Variants in PPP1R2 observed in about 807,000 individuals in gnomAD.
The protein encoded by PPP1R2 is protein phosphatase 1 regulatory inhibitor subunit 2, also known as protein phosphatase inhibitor 2.
In PPP1R2, 16 loss-of-function variants were observed where a neutral mutation model predicts 29.9. That is an observed-to-expected ratio of 0.53 (90% CI 0.36 to 0.81). The LOEUF is 0.81. Among genes scored for constraint, PPP1R2 ranks in the 30% least tolerant of loss-of-function variants. The probability of loss-of-function intolerance (pLI) is 0.00; values close to 1 mark genes in which losing one functional copy is unlikely to be tolerated. For synonymous variants in PPP1R2, 76 were observed against 91.5 expected (o/e 0.83, Z 0.96); for missense variants, 197 against 252.7 (o/e 0.78, Z 1.49).
Position 195,519,438 on chromosome 3 carries a change from T to C in PPP1R2, c.404-253A>G, listed in dbSNP as rs1718672960. The C allele has an allele frequency of 1.7e-5, 6 of 362,908 alleles. No homozygotes were observed. In the East Asian group the frequency reaches 3.0e-4, roughly 18 times the overall value. The allele number at this position is 362,908 out of a possible 1,614,324, so 22.5% of individuals were successfully genotyped here. On this transcript the variant is annotated intron_variant, in intron 4 of 5. Coordinates refer to ENST00000618156, the MANE Select transcript of PPP1R2 (RefSeq NM_006241.8). ...TATATCCAGCCATTAGAAATTATAT[T>C]TGTGAAGAAAGATTAAAGCTATGGG... is the stretch of plus-strand genomic sequence containing the variant.
intron 5 of PPP1R2, among the ~76,000 whole-genome samples, chr3:195,518,174 A>T (rs1403960044): frequency 2.0e-5 from 3 of 151,982 alleles, no homozygotes; most frequent in African/African-American, 7.3e-5. Flanking sequence ...AATAAATAAA[A>T]CCTATTTCCT....
intron 2 of PPP1R2, among the ~76,000 whole-genome samples, chr3:195,526,666 G>C (rs1369587314): frequency 6.6e-6 from 1 of 152,096 alleles, no homozygotes; most frequent in African/African-American, 2.4e-5. Flanking sequence ...CCAGGCTGGA[G>C]TGCAATGACG....
chr3:195,524,728 G>A lies in PPP1R2; in HGVS notation c.308+91C>T, dbSNP rs541179332. On this transcript the variant is annotated intron_variant, in intron 3 of 5. Transcript: ENST00000618156. Reference sequence around the variant, plus strand: ...TGTTGATCAACAGCCTTTTCTTCCCGCTCATACAGGGACAGCCACGCAGGC... The same window carrying A: ...TGTTGATCAACAGCCTTTTCTTCCCACTCATACAGGGACAGCCACGCAGGC... 365 of 1,195,888 alleles carry A rather than the reference G, an allele frequency of 3.1e-4. 6 individuals carry two copies. The South Asian group carries it at 4.5e-3, about 15-fold the overall frequency. 74.1% of individuals were successfully genotyped at this position (1,195,888 alleles called of 1,614,324 possible).
chr3:195,522,167 A>AAGAAT (rs1718785950), intron 4 of PPP1R2, among the ~76,000 whole-genome samples: 1 of 152,350 alleles, frequency 6.6e-6, no homozygotes, highest in South Asian at 2.1e-4. Context: ...AGTCACCAAA[A>AAGAAT]TATTTTTACA....
rs986234089 is a variant in PPP1R2, at chr3:195,518,886, G to C, written c.571+132C>G. On this transcript the variant is annotated intron_variant, in intron 5 of 5. Transcript: ENST00000618156. ...ATTGGCCATGCGGGTTAAAACTTTA[G>C]AAACATTTGGTATAATAAAGCGAAT... 24 of 1,381,422 alleles carry C rather than the reference G, an allele frequency of 1.7e-5. No homozygotes were observed. The African/African-American group carries it at 3.1e-4, about 18-fold the overall frequency. The allele number at this position is 1,381,422 out of a possible 1,614,324, so 85.6% of individuals were successfully genotyped here. A position where few individuals can be genotyped will look rare whatever the true frequency, so the allele number is the denominator to read the frequency against.
chr3:195,539,929 T>A (rs1396459771), intron 1 of PPP1R2, among the ~76,000 whole-genome samples: 1 of 152,226 alleles, frequency 6.6e-6, no homozygotes, highest in Non-Finnish European at 1.5e-5. Context: ...TACAGACATA[T>A]ATCTGAAGTA....
At chr3:195,528,739 A>G (rs1355745436) in intron 2 of PPP1R2, 2 of 92,230 alleles carry the variant, frequency 2.2e-5, no homozygotes, top group African/African-American at 7.3e-5. Flanking sequence ...TTTTGTAGAA[A>G]GAGTCTTACT....
intron 1 of PPP1R2, 69 bp downstream of exon 1, chr3:195,542,835 C>T: frequency 6.7e-7 from 1 of 1,490,976 alleles, no homozygotes; most frequent in Non-Finnish European, 9.0e-7. Flanking sequence ...CCGCCCGCCC[C>T]TGGGGTCTGG....
At chr3:195,534,321 G>C (rs539027246) in intron 1 of PPP1R2, among the ~76,000 whole-genome samples, 1 of 152,076 alleles carries the variant, frequency 6.6e-6, no homozygotes, top group East Asian at 1.9e-4. Context: ...AAGTGAGACT[G>C]TCCAGAAAAA....
chr3:195,521,314 CAAAAAAAAAAA>C (rs869228346), intron 4 of PPP1R2, among the ~76,000 whole-genome samples: 9 of 56,662 alleles, frequency 1.6e-4, no homozygotes, highest in African/African-American at 4.8e-4. Flanking sequence ...GACTCTGTCT[CAAAAAAAAAAA>C]AAAAAAAAAA....
intron 5 of PPP1R2, among the ~76,000 whole-genome samples, chr3:195,517,705 A>C (rs1343388141): frequency 6.6e-6 from 1 of 152,166 alleles, no homozygotes; most frequent in Non-Finnish European, 1.5e-5. Context: ...ACAAACAAAA[A>C]ACGCTGCCTC....
chr3:195,520,142 T>C (rs1203562357), intron 4 of PPP1R2, among the ~76,000 whole-genome samples: 2 of 152,176 alleles, frequency 1.3e-5, no homozygotes, highest in African/African-American at 4.8e-5. Flanking sequence ...CCCGAGTAGT[T>C]GGGATCACAG....
chr3:195,519,217 T>C (rs1283771840), intron 4 of PPP1R2, 32 bp from the exon 5 acceptor site: 5 of 1,523,546 alleles, frequency 3.3e-6, no homozygotes, highest in African/African-American at 1.4e-5. Flanking sequence ...CTTAGGAAGT[T>C]TGAGCTCAAG....
At chr3:195,518,709 C>T (rs1718644592) in intron 5 of PPP1R2, among the ~76,000 whole-genome samples, 1 of 151,094 alleles carries the variant, frequency 6.6e-6, no homozygotes, top group Non-Finnish European at 1.5e-5. Flanking sequence ...ATGACAAATA[C>T]AACATGACCT....
At chr3:195,537,481 T>TTTTGTGTGTGTGTGTG (rs150119072) in intron 1 of PPP1R2, among the ~76,000 whole-genome samples, 5,074 of 128,508 alleles carry the variant, frequency 0.039, 186 homozygotes, top group Middle Eastern at 0.068. Context: ...GGATTAGCTA[T>TTTTGTGTGTGTGTGTG]TGTGTGTGTG....
At chr3:195,529,573 T>A (rs1719105906) in intron 2 of PPP1R2, 1 of 375,536 alleles carries the variant, frequency 2.7e-6, no homozygotes, top group South Asian at 6.4e-5. Context: ...CAAATAAACA[T>A]TTACTACTAC....
Position 195,523,779 on chromosome 3 carries a change from C to T in PPP1R2, c.316G>A (p.Ala106Thr). Reference sequence around the variant, plus strand: ...TACTTTGGCTCCAAGCCTTCAGCTGCAGCTAATCTATGCAACAATCATGTA... The same window carrying T: ...TACTTTGGCTCCAAGCCTTCAGCTGTAGCTAATCTATGCAACAATCATGTA... Reference protein sequence around the residue: ...APDILARKLAAAEGLEPKYRI... With the variant: ...APDILARKLATAEGLEPKYRI... The change falls in exon 4 of 6, where the codon GCA becomes ACA. Residue 106 changes from alanine (A) to threonine (T), a missense_variant. This residue lies in a region of PPP1R2 where 135 missense variants were observed against 163.0 expected (regional missense o/e 0.83). Transcript: ENST00000618156. The T allele has an allele frequency of 6.2e-7, 1 of 1,613,728 alleles. No individual in the cohort carries two copies. Among genetic ancestry groups the T allele is most frequent in the Non-Finnish European group, 8.5e-7 (1 of 1,179,652 alleles).
chr3:195,521,180 T>A (rs1270999729), intron 4 of PPP1R2, among the ~76,000 whole-genome samples: 1 of 151,574 alleles, frequency 6.6e-6, no homozygotes, highest in Non-Finnish European at 1.5e-5. Context: ...CTGGGCGTGG[T>A]GGCACACGTC....
chr3:195,521,314 CAAAAAAA>C (rs869228346), intron 4 of PPP1R2, among the ~76,000 whole-genome samples: 3 of 56,676 alleles, frequency 5.3e-5, no homozygotes, highest in Non-Finnish European at 9.4e-5. Flanking sequence ...GACTCTGTCT[CAAAAAAA>C]AAAAAAAAAA....
Sources: allele counts gnomAD v4.1 joint callset (sites outside exome capture counted in the v4.1 genomes callset), GRCh38; gene constraint gnomAD v4.1.1; regional missense constraint gnomAD v4.1.1; transcripts MANE v1.5; gene names NCBI Gene and HGNC (gene_info 2026-07-23, HGNC 2026-07-21).